GNB3: variants seen among roughly 807,000 people sequenced by gnomAD.
GNB3 encodes the protein G protein subunit beta 3.
GNB3 carries 33 observed loss-of-function variants against 41.2 expected under a neutral mutation model. That is an observed-to-expected ratio of 0.80 (90% confidence interval 0.61 to 1.07). GNB3 has a LOEUF of 1.07. GNB3 is among the 50% of genes least tolerant of loss of function. The pLI is 0.00. For missense variants in GNB3, 409 were observed against 455.3 expected (o/e 0.90, Z 0.92); for synonymous variants, 172 against 173.4 (o/e 0.99, Z 0.06).
rs45569331 is a variant in GNB3 at position 6,842,991 on chromosome 12, G to A, written c.118G>A (p.Val40Met). ...LAELVSGLEV[V>M]GRVQMRTRRT... is the part of the protein sequence containing the mutation. ...GCAGCTGGTGTCTGGCCTAGAGGTGGTGGGACGAGTCCAGATGCGGACGCG... is the reference window on the plus strand; with the variant it reads ...GCAGCTGGTGTCTGGCCTAGAGGTGATGGGACGAGTCCAGATGCGGACGCG... Residue 40 changes from valine (V) to methionine (M), a missense_variant, in exon 4 of 10, where the codon GTG (valine) becomes ATG (methionine). Val to Met is a conservative substitution (Grantham distance 21, BLOSUM62 1). Coordinates refer to ENST00000229264, the MANE Select transcript of GNB3 (RefSeq NM_002075.4). 1 of 1,551,838 alleles carries A rather than the reference G, an allele frequency of 6.4e-7. No individual in the cohort carries two copies. Among genetic ancestry groups the A allele is most frequent in the Non-Finnish European group, 8.7e-7 (1 of 1,143,746 alleles).
chr12:6,844,968 T>G (rs1369064302), intron 8 of GNB3: 2 of 152,386 alleles, frequency 1.3e-5, no homozygotes, highest in African/African-American at 4.8e-5. Context: ...CAGTCTATAT[T>G]CAAATTTCAC....
At chr12:6,842,449 C>G (rs1555123588) in intron 3 of GNB3, among the ~76,000 whole-genome samples, 2 of 152,190 alleles carry the variant, frequency 1.3e-5, no homozygotes, top group African/African-American at 4.8e-5. Context: ...CAAATCAAGT[C>G]TGTTCACTCT....
chr12:6,843,077 G>C lies in GNB3; in HGVS notation c.203+1G>C. 6.2e-7 allele frequency: 1 copy of C among 1,604,138 alleles called. No homozygotes were observed. The highest frequency in any genetic ancestry group is 1.1e-5 in the South Asian group (1 of 90,752). On this transcript the variant is annotated splice_donor_variant, in intron 4 of 9. Coordinates refer to ENST00000229264, the MANE Select transcript of GNB3 (RefSeq NM_002075.4). LOFTEE classifies it high-confidence loss of function. This position sits in a 1 kb window ranked among gnomAD's most constrained non-coding sequence, Gnocchi z 5.9. ...CCATGCACTGGGCCACTGATTCTAA[G>C]TGAGGCTTGGGGGGGAACCGAGAAT...
chr12:6,844,986 C>G (rs1943656090), intron 8 of GNB3: 1 of 152,370 alleles, frequency 6.6e-6, no homozygotes. Flanking sequence ...CACCAATAGC[C>G]TCAAAAATGT....
intron 9 of GNB3, 117 bp from the exon 10 acceptor site, chr12:6,846,675 C>A (rs1274152639): frequency 4.1e-5 from 26 of 630,596 alleles, no homozygotes; most frequent in South Asian, 1.2e-4. Context: ...ACATATCCCC[C>A]CACACACCCA....
intron 9 of GNB3, 169 bp from the exon 10 acceptor site, chr12:6,846,621 GCA>G (rs782811517): frequency 6.0e-5 from 33 of 554,406 alleles, no homozygotes; most frequent in African/African-American, 4.3e-4. Flanking sequence ...AAGCACACAT[GCA>G]CACACACACG....
At position 6,847,213 on chromosome 12, in the gene GNB3, C is replaced by T; in HGVS notation, c.*315C>T. ...CAGACTTGAGTCTGAGGCCCCAGGC[C>T]CTAGGATTCCTCCCCCAGAGCCACT... is the stretch of plus-strand genomic sequence containing the variant. On this transcript the variant is annotated 3_prime_UTR_variant, in exon 10 of 10. Transcript: ENST00000229264. The T allele has an allele frequency of 2.9e-6, 1 of 347,094 alleles. No homozygotes were observed. Among genetic ancestry groups the T allele is most frequent in the Non-Finnish European group, 5.4e-6 (1 of 185,064 alleles). 21.5% of individuals were successfully genotyped at this position (347,094 alleles called of 1,614,324 possible). A position where few individuals can be genotyped will look rare whatever the true frequency, so the allele number is the denominator to read the frequency against.
intron 8 of GNB3, 122 bp downstream of exon 8, chr12:6,844,100 T>A (rs1249743918): frequency 6.7e-6 from 4 of 596,910 alleles, no homozygotes; most frequent in South Asian, 2.5e-5. Flanking sequence ...TGTATTTTTT[T>A]TTTTTTTTTT....
intron 8 of GNB3, 121 bp downstream of exon 8, chr12:6,844,099 T>C (rs1482799382): frequency 6.7e-5 from 39 of 577,920 alleles, no homozygotes; most frequent in Admixed American, 1.5e-4. Flanking sequence ...CTGTATTTTT[T>C]TTTTTTTTTT....
At chr12:6,842,912 A>G (rs1943599477) in intron 3 of GNB3, 58 bp from the exon 4 acceptor site, 2 of 1,119,116 alleles carry the variant, frequency 1.8e-6, no homozygotes, top group Non-Finnish European at 1.3e-6. Flanking sequence ...AGTGGCAGTG[A>G]CAGACATCTG....
At position 6,847,196 on chromosome 12, in the gene GNB3, A is replaced by G. The variant is rs1216310763; in HGVS notation, c.*298A>G. The G allele has an allele frequency of 5.3e-6, 2 of 375,098 alleles. No homozygotes were observed. The highest frequency in any genetic ancestry group is 4.0e-5 in the African/African-American group (2 of 49,544). The allele number at this position is 375,098 out of a possible 1,614,324, so 23.2% of individuals were successfully genotyped here. On this transcript the variant is annotated 3_prime_UTR_variant, in exon 10 of 10. Coordinates refer to ENST00000229264, the MANE Select transcript of GNB3 (RefSeq NM_002075.4). ...GCCCTTTGCAGGCCCAGCAGACTTGAGTCTGAGGCCCCAGGCCCTAGGATT... is the reference window on the plus strand; with the variant it reads ...GCCCTTTGCAGGCCCAGCAGACTTGGGTCTGAGGCCCCAGGCCCTAGGATT...
intron 8 of GNB3, among the ~76,000 whole-genome samples, chr12:6,844,293 G>C (rs1321650378): frequency 2.0e-5 from 3 of 151,424 alleles, no homozygotes; most frequent in African/African-American, 7.3e-5. Flanking sequence ...GTAGAGATGG[G>C]GTTTTGCCAT....
chr12:6,842,536 G>A (rs1338366391), intron 3 of GNB3, among the ~76,000 whole-genome samples: 1 of 152,200 alleles, frequency 6.6e-6, no homozygotes, highest in Non-Finnish European at 1.5e-5. Flanking sequence ...GTACAGTTCA[G>A]GGTCATGGTG....
rs375944151 is a variant in GNB3 at position 6,844,124 on chromosome 12, CAG to C, written c.699+149_699+150del. The C allele has an allele frequency of 5.9e-3, 2,762 of 468,958 alleles. 135 individuals are homozygous for C. The African/African-American group carries it at 0.069, about 12-fold the overall frequency. The allele number at this position is 468,958 out of a possible 1,614,324, so 29.0% of individuals were successfully genotyped here. A position where few individuals can be genotyped will look rare whatever the true frequency, so the allele number is the denominator to read the frequency against. On this transcript the variant is annotated intron_variant, in intron 8 of 9. Coordinates refer to ENST00000229264, the MANE Select transcript of GNB3 (RefSeq NM_002075.4). ...TTTTTTTTTTTTTTTTTTTTTGAGA[CAG>C]AGTCTCACTTTGTCGCCCAGGCTGG... is the stretch of plus-strand genomic sequence containing the variant.
At chr12:6,846,221 T>G (rs1168727148) in intron 9 of GNB3, 1 of 189,506 alleles carries the variant, frequency 5.3e-6, no homozygotes, top group Non-Finnish European at 1.1e-5. Flanking sequence ...CTGAAGTTGG[T>G]CAGATAGGAT....
chr12:6,843,568 A>G lies in GNB3; in HGVS notation c.430+43A>G, dbSNP rs1555123873. The G allele has an allele frequency of 6.2e-7, 1 of 1,612,642 alleles. No individual in the cohort carries two copies. The highest frequency in any genetic ancestry group is 1.7e-5 in the Admixed American group (1 of 60,014). ...TCCTCCCCTCCTGAGGGGTTCAGGG[A>G]ACCCTGGGCTTCCAGTGGGCTGTGG... On this transcript the variant is annotated intron_variant, in intron 6 of 9. Transcript: ENST00000229264. The surrounding 1 kb of genome is among the most constrained non-coding windows in gnomAD (Gnocchi z 5.9).
At chr12:6,844,567 G>A (rs1362515209) in intron 8 of GNB3, among the ~76,000 whole-genome samples, 3 of 152,168 alleles carry the variant, frequency 2.0e-5, no homozygotes, top group Non-Finnish European at 2.9e-5. Context: ...CTACAGATGC[G>A]TGTGACCACG....
chr12:6,846,937 C>T lies in GNB3; in HGVS notation c.*39C>T, dbSNP rs539025632. The T allele has an allele frequency of 1.0e-4, 118 of 1,153,952 alleles. No individual in the cohort carries two copies. Among genetic ancestry groups the T allele is most frequent in the Non-Finnish European group, 1.4e-4 (109 of 783,378 alleles). 71.5% of individuals were successfully genotyped at this position (1,153,952 alleles called of 1,614,324 possible). Reference sequence around the variant, plus strand: ...AGGGAAGTGGAAGGCAGTGAACACACTCAGCAGCCCCCTGCCCGACCCCAT... The same window carrying T: ...AGGGAAGTGGAAGGCAGTGAACACATTCAGCAGCCCCCTGCCCGACCCCAT... On this transcript the variant is annotated 3_prime_UTR_variant, in exon 10 of 10. Transcript: ENST00000229264.
rs782215016 is a variant in GNB3, at chr12:6,846,688, TACACACAC to T, written c.917-99_917-92del. 3 of 629,630 alleles carry T rather than the reference TACACACAC, an allele frequency of 4.8e-6. No individual in the cohort carries two copies. In the Admixed American group the frequency reaches 6.9e-5, roughly 15 times the overall value. The allele number at this position is 629,630 out of a possible 1,614,324, so 39.0% of individuals were successfully genotyped here. A position where few individuals can be genotyped will look rare whatever the true frequency, so the allele number is the denominator to read the frequency against. Reference sequence around the variant, plus strand: ...ACACATATCCCCCCACACACCCACATACACACACACACCCACACACCCACACATACACT... The same window carrying T: ...ACACATATCCCCCCACACACCCACATACACCCACACACCCACACATACACT... On this transcript the variant is annotated intron_variant, in intron 9 of 9. Coordinates refer to ENST00000229264, the MANE Select transcript of GNB3 (RefSeq NM_002075.4).
Sources: gnomAD v4.1 joint callset for allele counts (sites outside exome capture counted in the v4.1 genomes callset) on GRCh38, gnomAD v4.1.1 for gene constraint, Gnocchi (gnomAD v3.1) non-coding constraint, MANE v1.5 for transcripts, NCBI Gene and HGNC (gene_info 2026-07-23, HGNC 2026-07-21) for gene names.